The following GSG1L variants were observed in gnomAD, a reference collection of about 807,000 sequenced individuals.
GSG1L encodes the protein germ cell-specific gene 1-like protein.
In GSG1L, 24 loss-of-function variants were observed where a neutral mutation model predicts 42.1. The ratio of observed to expected loss-of-function variants is 0.57; its 90% CI spans 0.41 to 0.80. GSG1L has a LOEUF of 0.80. GSG1L is among the 30% of genes least tolerant of loss of function. The pLI, the probability that GSG1L is intolerant of heterozygous loss-of-function variation, is 0.00. For missense variants in GSG1L, 445 were observed against 472.2 expected, an observed-to-expected ratio of 0.94 and a Z score of 0.53; for synonymous variants, 215 against 203.5, an observed-to-expected ratio of 1.06 and a Z score of -0.48.
At chr16:28,057,154 A>G (rs2086288678) in intron 1 of GSG1L, among the ~76,000 whole-genome samples, 1 of 152,118 alleles carries the variant, frequency 6.6e-6, no homozygotes, top group East Asian at 1.9e-4. Flanking sequence ...CTTGGAAGGC[A>G]TTCGACTGTG....
At chr16:28,018,892 C>T (rs954326493) in intron 1 of GSG1L, among the ~76,000 whole-genome samples, 3 of 152,166 alleles carry the variant, frequency 2.0e-5, no homozygotes, top group Admixed American at 6.5e-5. Flanking sequence ...GCGACCTGCA[C>T]AGAGTGAAAC....
chr16:27,950,252 G>T (rs969762645), intron 2 of GSG1L, among the ~76,000 whole-genome samples: 1 of 152,194 alleles, frequency 6.6e-6, no homozygotes, highest in Non-Finnish European at 1.5e-5. Flanking sequence ...TTGCCATGGA[G>T]AAACTGTTTC....
intron 6 of GSG1L, among the ~76,000 whole-genome samples, chr16:27,804,070 G>GATAGATAGATAT (rs1567460791): frequency 1.3e-5 from 2 of 151,632 alleles, no homozygotes; most frequent in Non-Finnish European, 2.9e-5. Context: ...TAGATAGATA[G>GATAGATAGATAT]ATAGATAGAT....
chr16:28,023,505 T>C (rs1324106977), intron 1 of GSG1L, among the ~76,000 whole-genome samples: 2 of 152,236 alleles, frequency 1.3e-5, no homozygotes, highest in Non-Finnish European at 2.9e-5. Flanking sequence ...TGAACATTTA[T>C]GGTTCTGATA....
chr16:27,902,767 T>G (rs2084275984), intron 2 of GSG1L, among the ~76,000 whole-genome samples: 1 of 152,084 alleles, frequency 6.6e-6, no homozygotes, highest in Non-Finnish European at 1.5e-5. Context: ...GGTTTTCTCA[T>G]CTGTAAAATG....
At position 27,930,456 on chromosome 16, in the gene GSG1L, G is replaced by C. The variant is rs564662585; in HGVS notation, c.397+32700C>G. ...CAGGTCACACATTTATTTGTGGTCT[G>C]ATTCCTCCCACTGGGATGTAAGCTC... On this transcript the variant is annotated intron_variant, in intron 2 of 6. Transcript: ENST00000447459. Among the ~76,000 whole-genome samples the C allele has an allele frequency of 3.3e-5, 5 of 152,336 alleles. No homozygotes were observed. In the East Asian group the frequency reaches 9.6e-4, roughly 29 times the overall value.
intron 1 of GSG1L, among the ~76,000 whole-genome samples, chr16:28,028,615 A>G (rs2085925286): frequency 6.6e-6 from 1 of 152,056 alleles, no homozygotes; most frequent in African/African-American, 2.4e-5. Context: ...CAGAGAAAGG[A>G]AATTATTCCT....
intron 5 of GSG1L, among the ~76,000 whole-genome samples, chr16:27,809,865 C>T (rs1169423617): frequency 6.6e-6 from 1 of 152,188 alleles, no homozygotes; most frequent in Non-Finnish European, 1.5e-5. Context: ...AACAAATGCC[C>T]TATCTCTGTT....
chr16:27,789,387 A>C lies in GSG1L; in HGVS notation c.*1983T>G, dbSNP rs983694123. 3.3e-5 allele frequency: 5 copies of C among 150,520 alleles called. No individual in the cohort carries two copies. Among genetic ancestry groups the C allele is most frequent in the Non-Finnish European group, 4.4e-5 (3 of 67,612 alleles). 9.3% of individuals were successfully genotyped at this position (150,520 alleles called of 1,614,324 possible). A position where few individuals can be genotyped will look rare whatever the true frequency, so the allele number is the denominator to read the frequency against. ...TGGTTGATGGATAATGGGCAGATGG[A>C]GGGATGAATGGATGAGTGGATGATG... On this transcript the variant is annotated 3_prime_UTR_variant, in exon 7 of 7. Transcript: ENST00000447459.
At chr16:28,057,752 T>C (rs549029969) in intron 1 of GSG1L, among the ~76,000 whole-genome samples, 1 of 152,214 alleles carries the variant, frequency 6.6e-6, no homozygotes, top group East Asian at 1.9e-4. Context: ...CCAACGATGC[T>C]ATCATGGGGC....
At chr16:27,865,556 TATATATATATATATATACACAC>T (rs1246297451) in intron 3 of GSG1L, among the ~76,000 whole-genome samples, 1,731 of 23,230 alleles carry the variant, frequency 0.075, 104 homozygotes, top group African/African-American at 0.15. Flanking sequence ...TATATATATA[TATATATATATATATATACACAC>T]ACACATACAT....
intron 4 of GSG1L, among the ~76,000 whole-genome samples, chr16:27,837,099 A>T (rs2083329013): frequency 6.6e-6 from 1 of 152,034 alleles, no homozygotes; most frequent in Non-Finnish European, 1.5e-5. Context: ...GGTTTAACTG[A>T]CTCAGTTCAG....
At chr16:28,022,841 T>G (rs1045971093) in intron 1 of GSG1L, among the ~76,000 whole-genome samples, 5 of 152,034 alleles carry the variant, frequency 3.3e-5, no homozygotes, top group Admixed American at 2.6e-4. Context: ...CTAATTTTTG[T>G]ATGTTTTTTT....
At chr16:27,983,453 T>C (rs1338020671) in intron 1 of GSG1L, among the ~76,000 whole-genome samples, 1 of 152,230 alleles carries the variant, frequency 6.6e-6, no homozygotes, top group South Asian at 2.1e-4. Context: ...ATAGGGTAGC[T>C]GGAGATAAAT....
intron 2 of GSG1L, among the ~76,000 whole-genome samples, chr16:27,891,899 T>TTTTTTTTTTA (rs2084132019): frequency 7.1e-6 from 1 of 141,840 alleles, no homozygotes; most frequent in Non-Finnish European, 1.6e-5. Flanking sequence ...TTTTTTTTTT[T>TTTTTTTTTTA]TTTTTTTTTA....
chr16:27,996,830 G>A (rs117378820), intron 1 of GSG1L, among the ~76,000 whole-genome samples: 2,012 of 151,986 alleles, frequency 0.013, 21 homozygotes, highest in Non-Finnish European at 0.022. Context: ...GCTCAATCTC[G>A]ACTCACTGCA....
intron 2 of GSG1L, among the ~76,000 whole-genome samples, chr16:27,932,188 G>GT (rs2084664634): frequency 6.6e-6 from 1 of 152,126 alleles, no homozygotes; most frequent in Non-Finnish European, 1.5e-5. Flanking sequence ...AAGTAGCTGG[G>GT]ATTACAGGCA....
chr16:27,843,376 C>G (rs889050318), intron 4 of GSG1L, among the ~76,000 whole-genome samples: 1 of 151,930 alleles, frequency 6.6e-6, no homozygotes, highest in African/African-American at 2.4e-5. Flanking sequence ...TTAAGCTAAG[C>G]CAATGAAAGT....
intron 3 of GSG1L, among the ~76,000 whole-genome samples, chr16:27,881,977 T>A (rs542591135): frequency 5.3e-5 from 8 of 152,124 alleles, no homozygotes; most frequent in African/African-American, 1.9e-4. Flanking sequence ...CCACTTCATC[T>A]GTGCTCCACC....
Sources: gnomAD v4.1 joint callset for allele counts (sites outside exome capture counted in the v4.1 genomes callset) on GRCh38, gnomAD v4.1.1 for gene constraint, MANE v1.5 for transcripts, NCBI Gene and HGNC (gene_info 2026-07-23, HGNC 2026-07-21) for gene names.